The following PTH2R variants were observed in gnomAD, a reference collection of about 807,000 sequenced individuals.
PTH2R encodes the protein PTH2 receptor.
A neutral mutation model predicts 60.3 loss-of-function variants in PTH2R; 59 were observed. The ratio of observed to expected loss-of-function variants is 0.98; its 90% confidence interval spans 0.79 to 1.22. PTH2R has a LOEUF of 1.22. Among genes scored for constraint, PTH2R ranks in the 50% most tolerant of loss-of-function variants. PTH2R has a pLI of 0.00. For missense variants in PTH2R, 749 were observed against 682.6 expected, an observed-to-expected ratio of 1.10 and a Z score of -1.08; for synonymous variants, 256 against 243.8, an observed-to-expected ratio of 1.05 and a Z score of -0.47.
At chr2:208,424,022 G>A (rs1257518380) in intron 1 of PTH2R, among the ~76,000 whole-genome samples, 2 of 152,138 alleles carry the variant, frequency 1.3e-5, no homozygotes, top group Non-Finnish European at 2.9e-5. Context: ...GGGTATGAGT[G>A]CTGCTCCTCA....
chr2:208,387,927 G>A (rs1701031696), intron 1 of PTH2R, among the ~76,000 whole-genome samples: 2 of 152,136 alleles, frequency 1.3e-5, no homozygotes, highest in South Asian at 4.1e-4. Flanking sequence ...CCCTCTCAGT[G>A]CTAGTCTGTA....
chr2:208,466,558 TG>T (rs1258868694), intron 9 of PTH2R: 1 of 152,224 alleles, frequency 6.6e-6, no homozygotes, highest in Non-Finnish European at 1.5e-5. Flanking sequence ...GATGGCACAC[TG>T]GCCTTTGTAG....
intron 10 of PTH2R, among the ~76,000 whole-genome samples, chr2:208,484,149 C>G (rs931897993): frequency 2.0e-5 from 3 of 152,270 alleles, no homozygotes; most frequent in Middle Eastern, 3.4e-3. Context: ...GCATCTAAAA[C>G]AGTTACAGAG....
upstream of PTH2R, among the ~76,000 whole-genome samples, chr2:208,405,215 T>A (rs1559209915): frequency 6.6e-6 from 1 of 151,840 alleles, no homozygotes; most frequent in Non-Finnish European, 1.5e-5. Flanking sequence ...AAACATTAAA[T>A]TATTTATTTA....
chr2:208,392,603 G>A (rs1003411788), intron 1 of PTH2R, among the ~76,000 whole-genome samples: 2 of 152,120 alleles, frequency 1.3e-5, no homozygotes, highest in Admixed American at 6.5e-5. Flanking sequence ...GGGACTTTTA[G>A]GCCTGATTAG....
At chr2:208,393,469 A>G (rs1480946738) in intron 1 of PTH2R, among the ~76,000 whole-genome samples, 1 of 152,124 alleles carries the variant, frequency 6.6e-6, no homozygotes, top group Non-Finnish European at 1.5e-5. Context: ...TTTTCCATTC[A>G]TCTCCTGAGT....
chr2:208,469,439 T>G (rs1270918633), intron 9 of PTH2R, among the ~76,000 whole-genome samples: 1 of 152,178 alleles, frequency 6.6e-6, no homozygotes, highest in African/African-American at 2.4e-5. Flanking sequence ...TAAATTATGG[T>G]CAGAATTTCT....
chr2:208,412,414 G>A (rs1244218554), intron 1 of PTH2R, among the ~76,000 whole-genome samples: 1 of 151,990 alleles, frequency 6.6e-6, no homozygotes, highest in Admixed American at 6.5e-5. Flanking sequence ...CTGATTTTCT[G>A]TAATCTCAGA....
intron 1 of PTH2R, among the ~76,000 whole-genome samples, chr2:208,384,376 G>T (rs563537968): frequency 6.6e-6 from 1 of 152,156 alleles, no homozygotes; most frequent in African/African-American, 2.4e-5. Context: ...ATGAAGGATC[G>T]TGATATCCAG....
intron 1 of PTH2R, among the ~76,000 whole-genome samples, chr2:208,372,636 TA>T (rs1364420759): frequency 1.3e-5 from 2 of 152,004 alleles, no homozygotes; most frequent in Admixed American, 1.3e-4. Flanking sequence ...GCATGTCAAC[TA>T]AAAAACATAT....
At chr2:208,390,050 A>C (rs927071869) in intron 1 of PTH2R, among the ~76,000 whole-genome samples, 10 of 152,188 alleles carry the variant, frequency 6.6e-5, no homozygotes, top group African/African-American at 2.4e-4. Flanking sequence ...TCCAACCAGG[A>C]GAGGCGATTC....
intron 8 of PTH2R, among the ~76,000 whole-genome samples, chr2:208,455,494 T>C (rs921718625): frequency 6.6e-6 from 1 of 152,200 alleles, no homozygotes; most frequent in African/African-American, 2.4e-5. Context: ...TCCTAACTTA[T>C]CAGAATAAAA....
At chr2:208,433,908 T>C (rs13403425) in intron 2 of PTH2R, among the ~76,000 whole-genome samples, 32,201 of 152,186 alleles carry the variant, frequency 0.21, 3,529 homozygotes, top group South Asian at 0.26. Context: ...ATGGTGCTAA[T>C]TTATAAAGAG....
At chr2:208,467,597 T>C (rs1463992526) in intron 9 of PTH2R, among the ~76,000 whole-genome samples, 1 of 152,226 alleles carries the variant, frequency 6.6e-6, no homozygotes, top group African/African-American at 2.4e-5. Flanking sequence ...ACCTGGTAAT[T>C]GGGGTGACCA....
At chr2:208,397,575 T>C (rs112603275) in intron 1 of PTH2R, among the ~76,000 whole-genome samples, 11,829 of 151,394 alleles carry the variant, frequency 0.078, 507 homozygotes, top group African/African-American at 0.084. Flanking sequence ...GAGATAGAGG[T>C]GGGGGGGCTC....
intron 1 of PTH2R, among the ~76,000 whole-genome samples, chr2:208,368,189 C>T (rs551831385): frequency 6.6e-6 from 1 of 152,288 alleles, no homozygotes; most frequent in Non-Finnish European, 1.5e-5. Context: ...GTCCACACCC[C>T]AGCCCTTCGA....
chr2:208,374,801 C>T (rs10189412), intron 1 of PTH2R, among the ~76,000 whole-genome samples: 73,277 of 151,982 alleles, frequency 0.48, 18,870 homozygotes, highest in Admixed American at 0.57. Context: ...CCACCACGCC[C>T]GGCCCAAATG....
intron 8 of PTH2R, among the ~76,000 whole-genome samples, chr2:208,458,308 G>A (rs1399377573): frequency 6.6e-6 from 1 of 151,996 alleles, no homozygotes; most frequent in Non-Finnish European, 1.5e-5. Flanking sequence ...AAGTTAGGGT[G>A]GAAGGGAAGC....
chr2:208,464,431 G>A (rs1039236672), intron 9 of PTH2R, among the ~76,000 whole-genome samples: 13 of 152,168 alleles, frequency 8.5e-5, no homozygotes, highest in Non-Finnish European at 1.9e-4. Context: ...TTCTCTCCAG[G>A]TCTGCGTGAA....
Sources: allele counts gnomAD v4.1 joint callset (sites outside exome capture counted in the v4.1 genomes callset), GRCh38; gene constraint gnomAD v4.1.1; transcripts MANE v1.5; gene names NCBI Gene and HGNC (gene_info 2026-07-23, HGNC 2026-07-21).